FAM174B: variants seen among roughly 807,000 people sequenced by gnomAD.
FAM174B encodes the protein family with sequence similarity 174 member B, also known as membrane protein FAM174B.
A neutral mutation model predicts 10.9 loss-of-function variants in FAM174B; 12 were observed. That is an observed-to-expected ratio of 1.10 (90% CI 0.71 to 1.79). FAM174B has a LOEUF of 1.79. Ranked by LOEUF, FAM174B falls within the 40% of genes most tolerant of loss-of-function variation. The pLI is 0.00. For synonymous variants in FAM174B, 132 were observed against 115.8 expected (o/e 1.14, Z -0.90); for missense variants, 266 against 233.3 (o/e 1.14, Z -0.91).
chr15:92,635,120 G>T (rs1346552851), intron 1 of FAM174B, among the ~76,000 whole-genome samples: 1 of 146,778 alleles, frequency 6.8e-6, no homozygotes, highest in East Asian at 2.0e-4. Flanking sequence ...CTCTTTCTCT[G>T]TCTCTCTCTC....
At chr15:92,642,654 C>T (rs2173061) in intron 1 of FAM174B, among the ~76,000 whole-genome samples, 79,780 of 152,100 alleles carry the variant, frequency 0.52, 23,685 homozygotes, top group East Asian at 0.66. Context: ...CTTCCTCTTC[C>T]GCCATGATTA....
At chr15:92,621,353 C>T (rs1044149719) in intron 2 of FAM174B, among the ~76,000 whole-genome samples, 2 of 152,094 alleles carry the variant, frequency 1.3e-5, no homozygotes, top group African/African-American at 2.4e-5. Flanking sequence ...GGGTCGCGCC[C>T]GTAATCCCAG....
At chr15:92,645,748 T>G (rs1399755325) in intron 1 of FAM174B, 3 of 152,254 alleles carry the variant, frequency 2.0e-5, no homozygotes, top group Non-Finnish European at 4.4e-5. Flanking sequence ...CCAGGGGACC[T>G]GACCACCACC....
At chr15:92,651,089 A>G (rs2050963621) in intron 1 of FAM174B, among the ~76,000 whole-genome samples, 1 of 152,264 alleles carries the variant, frequency 6.6e-6, no homozygotes, top group South Asian at 2.1e-4. Context: ...GAAAATGAAG[A>G]AATACAAAAT....
chr15:92,636,568 C>T (rs915473923), intron 1 of FAM174B, among the ~76,000 whole-genome samples: 1 of 152,176 alleles, frequency 6.6e-6, no homozygotes, highest in Non-Finnish European at 1.5e-5. Context: ...GGCCTCCTTC[C>T]CACGTGGGTG....
intron 1 of FAM174B, among the ~76,000 whole-genome samples, chr15:92,632,934 G>A (rs975352763): frequency 4.6e-5 from 7 of 152,250 alleles, no homozygotes; most frequent in East Asian, 3.9e-4. Context: ...CGAAGGCTGC[G>A]ATATGTATCA....
intron 1 of FAM174B, among the ~76,000 whole-genome samples, chr15:92,636,236 C>T (rs1055367251): frequency 6.6e-6 from 1 of 152,058 alleles, no homozygotes; most frequent in African/African-American, 2.4e-5. Flanking sequence ...ATCACTTGAA[C>T]CCAGGAGACG....
At chr15:92,630,740 A>G (rs923723341) in intron 1 of FAM174B, among the ~76,000 whole-genome samples, 3 of 93,604 alleles carry the variant, frequency 3.2e-5, no homozygotes, top group African/African-American at 1.3e-4. Flanking sequence ...ATAATTATAT[A>G]TTTTTTATAT....
At chr15:92,631,689 A>C (rs1334279094) in intron 1 of FAM174B, among the ~76,000 whole-genome samples, 1 of 149,386 alleles carries the variant, frequency 6.7e-6, no homozygotes, top group African/African-American at 2.5e-5. Flanking sequence ...TTGTAGAGAC[A>C]GATTTCGCCT....
intron 1 of FAM174B, among the ~76,000 whole-genome samples, chr15:92,640,498 G>A (rs1280951181): frequency 2.4e-5 from 3 of 126,834 alleles, no homozygotes; most frequent in Admixed American, 9.9e-5. Context: ...GTTGCAGTGA[G>A]TGGAGATCGT....
chr15:92,640,835 G>C (rs1428942800), intron 1 of FAM174B, among the ~76,000 whole-genome samples: 1 of 151,702 alleles, frequency 6.6e-6, no homozygotes. Flanking sequence ...AGTAGAGATG[G>C]GGTTTCACCA....
Position 92,617,785 on chromosome 15 carries a change from C to T in FAM174B, c.*1671G>A. 1 of 527,978 alleles carries T rather than the reference C, an allele frequency of 1.9e-6. No homozygotes were observed. The highest frequency in any genetic ancestry group is 3.3e-6 in the Non-Finnish European group (1 of 299,178). 32.7% of individuals were successfully genotyped at this position (527,978 alleles called of 1,614,324 possible). On this transcript the variant is annotated 3_prime_UTR_variant, in exon 3 of 3. Transcript: ENST00000327355. ...CACGGCTGTTCTGTTGCCAGTCCCA[C>T]CCCTCTGGCAAACAGATGGGGGAAA...
intron 1 of FAM174B, among the ~76,000 whole-genome samples, chr15:92,642,536 A>G (rs1275301504): frequency 6.6e-6 from 1 of 152,210 alleles, no homozygotes; most frequent in Non-Finnish European, 1.5e-5. Flanking sequence ...TGGTTCCCCC[A>G]TGCTGTTCTC....
chr15:92,642,417 C>G (rs285764), intron 1 of FAM174B, among the ~76,000 whole-genome samples: 140,677 of 152,276 alleles, frequency 0.92, 65,713 homozygotes, highest in East Asian at 0.99. Context: ...ACTTAAATAC[C>G]TGATATGGTT....
chr15:92,617,763 G>T lies in FAM174B; in HGVS notation c.*1693C>A, dbSNP rs139184656. On this transcript the variant is annotated 3_prime_UTR_variant, in exon 3 of 3. Coordinates refer to ENST00000327355, the MANE Select transcript of FAM174B (RefSeq NM_207446.3). The stretch of plus-strand genomic sequence containing the variant: ...TGGAGAGGAGAGATAAAGCAGCCAC[G>T]GCTGTTCTGTTGCCAGTCCCACCCC... The T allele has an allele frequency of 7.0e-6, 4 of 569,096 alleles. No individual in the cohort carries two copies. The East Asian group carries it at 1.3e-4, about 19-fold the overall frequency. The allele number at this position is 569,096 out of a possible 1,614,324, so 35.3% of individuals were successfully genotyped here.
chr15:92,635,078 G>C (rs1394578789), intron 1 of FAM174B, among the ~76,000 whole-genome samples: 2 of 151,434 alleles, frequency 1.3e-5, no homozygotes, highest in African/African-American at 2.4e-5. Context: ...AATCACATCA[G>C]CTGATTCCTT....
chr15:92,641,977 CAAAT>C (rs773119762), intron 1 of FAM174B, among the ~76,000 whole-genome samples: 11 of 152,100 alleles, frequency 7.2e-5, no homozygotes, highest in Non-Finnish European at 1.2e-4. Context: ...AATAAAAAGA[CAAAT>C]AACCCAATGT....
At chr15:92,629,994 T>C (rs971860059) in intron 2 of FAM174B, among the ~76,000 whole-genome samples, 4 of 152,168 alleles carry the variant, frequency 2.6e-5, no homozygotes, top group Non-Finnish European at 5.9e-5. Flanking sequence ...TGTGAGTCAA[T>C]TAAACCTCTC....
chr15:92,625,693 T>G (rs2050748068), intron 2 of FAM174B, among the ~76,000 whole-genome samples: 1 of 152,248 alleles, frequency 6.6e-6, no homozygotes, highest in Non-Finnish European at 1.5e-5. Flanking sequence ...CACATCTATA[T>G]ACTCACACAC....
Sources: allele counts gnomAD v4.1 joint callset (sites outside exome capture counted in the v4.1 genomes callset), GRCh38; gene constraint gnomAD v4.1.1; transcripts MANE v1.5; gene names NCBI Gene and HGNC (gene_info 2026-07-23, HGNC 2026-07-21).